Variants in CCDC148 observed in about 807,000 individuals in gnomAD.
The protein encoded by CCDC148 is coiled-coil domain containing 148.
Under a neutral mutation model 85.7 loss-of-function variants are expected in CCDC148, and 89 were observed. The observed-to-expected ratio is 1.04, with a 90% CI of 0.87 to 1.24. The LOEUF (loss-of-function observed/expected upper bound fraction) is 1.24. Ranked by LOEUF, CCDC148 falls within the 50% of genes most tolerant of loss-of-function variation. The pLI, the probability that CCDC148 is intolerant of heterozygous loss-of-function variation, is 0.00. For missense variants in CCDC148, 692 were observed against 671.7 expected, an observed-to-expected ratio of 1.03 and a Z score of -0.33; for synonymous variants, 230 against 213.9, an observed-to-expected ratio of 1.08 and a Z score of -0.66.
rs552213606 is a variant in CCDC148, at chr2:158,252,188, TCAAA to T, written c.1111-1280_1111-1277del. Among the ~76,000 whole-genome samples the T allele has an allele frequency of 2.4e-4, 37 of 151,956 alleles. No individual in the cohort carries two copies. In the South Asian group the frequency reaches 4.6e-3, roughly 19 times the overall value. ...TGATGAAAATTAAATAAATAAAATG[TCAAA>T]CAAATACAATTAATTAAAGTGACTC... is the stretch of plus-strand genomic sequence containing the variant. On this transcript the variant is annotated intron_variant, in intron 9 of 13. Transcript: ENST00000283233.
chr2:158,177,131 T>A (rs1684630506), intron 12 of CCDC148, among the ~76,000 whole-genome samples: 1 of 151,878 alleles, frequency 6.6e-6, no homozygotes, highest in African/African-American at 2.4e-5. Flanking sequence ...AATTCTTGGG[T>A]CAAGTGTGTT....
chr2:158,190,492 G>C (rs917619468), intron 11 of CCDC148, among the ~76,000 whole-genome samples: 1 of 151,958 alleles, frequency 6.6e-6, no homozygotes, highest in Non-Finnish European at 1.5e-5. Context: ...CTTACATCTG[G>C]ATTTTGAATA....
intron 11 of CCDC148, among the ~76,000 whole-genome samples, chr2:158,206,981 G>A (rs1420351511): frequency 6.6e-6 from 1 of 152,112 alleles, no homozygotes; most frequent in African/African-American, 2.4e-5. Context: ...CTGTAACTGT[G>A]AGTCCTTAAC....
At chr2:158,240,452 T>TCTCTCACACACACACA (rs941238898) in intron 10 of CCDC148, among the ~76,000 whole-genome samples, 17 of 120,470 alleles carry the variant, frequency 1.4e-4, no homozygotes, top group Admixed American at 1.8e-4. Context: ...TCTCTCTCTC[T>TCTCTCACACACACACA]CACACACACA....
At chr2:158,310,649 G>A (rs1301118455) in intron 8 of CCDC148, among the ~76,000 whole-genome samples, 3 of 150,782 alleles carry the variant, frequency 2.0e-5, no homozygotes, top group South Asian at 2.1e-4. Flanking sequence ...AGACGGGGTC[G>A]TGGCCAGGCA....
At chr2:158,428,487 T>C (rs575511874) in intron 1 of CCDC148, among the ~76,000 whole-genome samples, 1 of 151,986 alleles carries the variant, frequency 6.6e-6, no homozygotes, top group South Asian at 2.1e-4. Flanking sequence ...TTTCATTAAC[T>C]TGACTTTGAG....
At chr2:158,258,303 C>T (rs1689089631) in intron 9 of CCDC148, among the ~76,000 whole-genome samples, 2 of 151,848 alleles carry the variant, frequency 1.3e-5, no homozygotes, top group Admixed American at 1.3e-4. Context: ...CCTCCCAATG[C>T]TAAGGTTCTA....
At chr2:158,455,589 C>G (rs1022949763) in intron 1 of CCDC148, among the ~76,000 whole-genome samples, 1 of 151,658 alleles carries the variant, frequency 6.6e-6, no homozygotes, top group Non-Finnish European at 1.5e-5. Flanking sequence ...AAAATCCTAT[C>G]AGCTTTTTCA....
At chr2:158,413,980 G>A (rs1231762455) in intron 1 of CCDC148, among the ~76,000 whole-genome samples, 1 of 152,142 alleles carries the variant, frequency 6.6e-6, no homozygotes, top group Non-Finnish European at 1.5e-5. Context: ...AAAACAGACT[G>A]AGATAAATCA....
At chr2:158,241,770 C>A (rs1016837371) in intron 10 of CCDC148, among the ~76,000 whole-genome samples, 6 of 151,912 alleles carry the variant, frequency 3.9e-5, no homozygotes, top group African/African-American at 1.5e-4. Context: ...ACATTCGTAC[C>A]AATACTCAAT....
At chr2:158,443,590 C>A (rs1688039458) in intron 1 of CCDC148, among the ~76,000 whole-genome samples, 1 of 150,474 alleles carries the variant, frequency 6.6e-6, no homozygotes, top group South Asian at 2.1e-4. Context: ...AACTGAAAAC[C>A]AACAAGGGGA....
chr2:158,332,748 G>T (rs538217729), intron 7 of CCDC148, among the ~76,000 whole-genome samples: 1 of 151,928 alleles, frequency 6.6e-6, no homozygotes, highest in Admixed American at 6.6e-5. Flanking sequence ...ACTTCTTCCT[G>T]GTTTAGACTT....
At chr2:158,282,078 C>A (rs1358612673) in intron 9 of CCDC148, among the ~76,000 whole-genome samples, 2 of 151,410 alleles carry the variant, frequency 1.3e-5, no homozygotes, top group Non-Finnish European at 3.0e-5. Context: ...AATTCAACAA[C>A]GCTTCATGCT....
chr2:158,189,373 T>G (rs1466159030), intron 11 of CCDC148, among the ~76,000 whole-genome samples: 2 of 151,926 alleles, frequency 1.3e-5, no homozygotes, highest in African/African-American at 4.8e-5. Context: ...AATCTGTGTC[T>G]TTTTGTCCTC....
intron 11 of CCDC148, among the ~76,000 whole-genome samples, chr2:158,216,973 TA>T (rs1686895200): frequency 6.6e-6 from 1 of 152,036 alleles, no homozygotes; most frequent in South Asian, 2.1e-4. Flanking sequence ...ACAGGGAAGT[TA>T]AATAACTCAT....
intron 2 of CCDC148, among the ~76,000 whole-genome samples, chr2:158,350,517 T>TA (rs1683208537): frequency 6.6e-6 from 1 of 152,124 alleles, no homozygotes; most frequent in Non-Finnish European, 1.5e-5. Context: ...TCAAAAACAC[T>TA]AAAAAACACT....
intron 1 of CCDC148, among the ~76,000 whole-genome samples, chr2:158,437,658 T>C (rs551909208): frequency 6.6e-6 from 1 of 152,200 alleles, no homozygotes; most frequent in East Asian, 1.9e-4. Context: ...AAATAAAGGG[T>C]ATTCAATTAG....
intron 11 of CCDC148, among the ~76,000 whole-genome samples, chr2:158,211,537 A>G (rs1456882661): frequency 6.6e-6 from 1 of 152,248 alleles, no homozygotes; most frequent in Non-Finnish European, 1.5e-5. Flanking sequence ...TAAATGCAAC[A>G]GACAGATCAA....
intron 9 of CCDC148, among the ~76,000 whole-genome samples, chr2:158,264,178 T>A (rs926338079): frequency 1.1e-4 from 16 of 151,966 alleles, no homozygotes; most frequent in Non-Finnish European, 1.8e-4. Context: ...GTGATTACAG[T>A]ATATGGATTT....
Sources: allele counts gnomAD v4.1 joint callset (sites outside exome capture counted in the v4.1 genomes callset), GRCh38; gene constraint gnomAD v4.1.1; transcripts MANE v1.5; gene names NCBI Gene and HGNC (gene_info 2026-07-23, HGNC 2026-07-21).